Variants in CEP162 observed in about 807,000 individuals in gnomAD.
CEP162 encodes the protein centrosomal protein 162.
CEP162 carries 141 observed loss-of-function variants against 169.2 expected under a neutral mutation model. That is an observed-to-expected ratio of 0.83 (90% confidence interval 0.73 to 0.96). CEP162 has a LOEUF of 0.96. CEP162 is among the 40% of genes least tolerant of loss of function. The pLI is 0.00. For synonymous variants in CEP162, 540 were observed against 526.4 expected (o/e 1.03, Z -0.35); for missense variants, 1,600 against 1,587.2 (o/e 1.01, Z -0.14).
rs758930776 is a variant in CEP162 at position 84,126,469 on chromosome 6, T to C, written c.3914A>G (p.His1305Arg). Residue 1305 changes from histidine (H) to arginine (R), a missense_variant, in exon 26 of 27, where the codon CAT (histidine) becomes CGT (arginine). Transcript: ENST00000403245. ...LEELREAKEN[H>R]TPEMKHFVGL... ...CACGAAATGTTTCATCTCTGGTGTATGGTTTTCTTTGGCTTCTCTCAATTC... is the reference window on the plus strand; with the variant it reads ...CACGAAATGTTTCATCTCTGGTGTACGGTTTTCTTTGGCTTCTCTCAATTC... 7.0e-6 allele frequency: 11 copies of C among 1,572,396 alleles called. No individual in the cohort carries two copies. Among genetic ancestry groups the C allele is most frequent in the South Asian group, 2.3e-5 (2 of 85,458 alleles).
At chr6:84,138,899 T>C (rs1225536086) in intron 25 of CEP162, among the ~76,000 whole-genome samples, 2 of 152,214 alleles carry the variant, frequency 1.3e-5, no homozygotes, top group African/African-American at 4.8e-5. Context: ...AACTAGCCTT[T>C]CAACTACTAG....
chr6:84,225,118 C>T (rs2099555185), intron 2 of CEP162, among the ~76,000 whole-genome samples: 1 of 152,106 alleles, frequency 6.6e-6, no homozygotes, highest in Non-Finnish European at 1.5e-5. Flanking sequence ...AAATGTGACT[C>T]TCTTGAATGC....
chr6:84,135,047 G>A (rs554920552), intron 25 of CEP162, among the ~76,000 whole-genome samples: 1 of 151,766 alleles, frequency 6.6e-6, no homozygotes, highest in Non-Finnish European at 1.5e-5. Context: ...GTACACACAT[G>A]AGAACCATAT....
intron 25 of CEP162, among the ~76,000 whole-genome samples, chr6:84,131,862 G>C (rs531067752): frequency 2.1e-4 from 32 of 152,144 alleles, no homozygotes; most frequent in Non-Finnish European, 4.1e-4. Context: ...ATATTGTTAT[G>C]TGTGAATTTG....
intron 13 of CEP162, among the ~76,000 whole-genome samples, chr6:84,179,708 T>C (rs987926555): frequency 3.3e-5 from 5 of 152,132 alleles, no homozygotes; most frequent in Non-Finnish European, 7.3e-5. Flanking sequence ...GAGAATATTA[T>C]AAACACATTT....
intron 23 of CEP162, among the ~76,000 whole-genome samples, chr6:84,151,760 A>C (rs546762906): frequency 4.9e-4 from 75 of 152,190 alleles, no homozygotes; most frequent in South Asian, 3.7e-3. Context: ...GCCAAGCCAC[A>C]GAGGTTAAGG....
intron 1 of CEP162, 73 bp from the exon 2 acceptor site, chr6:84,226,525 G>A (rs771178810): frequency 1.5e-4 from 103 of 685,398 alleles, no homozygotes; most frequent in Middle Eastern, 7.4e-4. Context: ...CTTAAACTTC[G>A]GACATTTGTT....
At chr6:84,181,298 T>C (rs986060742) in intron 13 of CEP162, among the ~76,000 whole-genome samples, 1 of 152,160 alleles carries the variant, frequency 6.6e-6, no homozygotes, top group Non-Finnish European at 1.5e-5. Context: ...TGGCTAGCCA[T>C]ATGTAGAAAG....
chr6:84,216,887 T>A (rs776676982), intron 3 of CEP162, among the ~76,000 whole-genome samples: 1 of 152,186 alleles, frequency 6.6e-6, no homozygotes, highest in South Asian at 2.1e-4. Flanking sequence ...GTGGTACTTA[T>A]GTATATGTTT....
chr6:84,226,184 T>C (rs532306806), intron 2 of CEP162, among the ~76,000 whole-genome samples, 153 bp downstream of exon 2: 1 of 152,194 alleles, frequency 6.6e-6, no homozygotes, highest in African/African-American at 2.4e-5. Context: ...ATGATGGCAC[T>C]GAACTAGCAG....
intron 11 of CEP162, among the ~76,000 whole-genome samples, chr6:84,187,681 A>AT (rs1227034937): frequency 6.6e-6 from 1 of 152,214 alleles, no homozygotes; most frequent in Non-Finnish European, 1.5e-5. Context: ...CAGGAAACTG[A>AT]TAACTAGAGT....
intron 6 of CEP162, among the ~76,000 whole-genome samples, chr6:84,208,016 TTGA>T (rs1562085508): frequency 6.8e-6 from 1 of 146,174 alleles, no homozygotes. Flanking sequence ...TTCAGGTTGA[TTGA>T]TTTTTTTTTT....
intron 21 of CEP162, among the ~76,000 whole-genome samples, chr6:84,158,721 A>G (rs903748300): frequency 6.6e-6 from 1 of 152,172 alleles, no homozygotes; most frequent in African/African-American, 2.4e-5. Flanking sequence ...TAAATATAGT[A>G]AAAAGAGAAC....
intron 25 of CEP162, among the ~76,000 whole-genome samples, chr6:84,129,981 CATG>C (rs1430778908): frequency 6.6e-6 from 1 of 152,108 alleles, no homozygotes; most frequent in Non-Finnish European, 1.5e-5. Context: ...GCCCATTCAG[CATG>C]ATATTGGCTG....
intron 25 of CEP162, among the ~76,000 whole-genome samples, chr6:84,140,155 C>T (rs2099515956): frequency 6.6e-6 from 1 of 152,046 alleles, no homozygotes; most frequent in Middle Eastern, 3.2e-3. Context: ...GGGTGGGAAC[C>T]CAAGACACAA....
chr6:84,177,072 A>T (rs1179010583), intron 13 of CEP162, among the ~76,000 whole-genome samples: 2 of 152,152 alleles, frequency 1.3e-5, no homozygotes, highest in Non-Finnish European at 2.9e-5. Context: ...AGAAGTACAA[A>T]AGGTAATTTA....
chr6:84,204,409 T>C (rs1470031537), intron 6 of CEP162, among the ~76,000 whole-genome samples: 1 of 152,152 alleles, frequency 6.6e-6, no homozygotes, highest in Non-Finnish European at 1.5e-5. Context: ...AAATTAGAAC[T>C]CAGGATTGAG....
Position 84,149,706 on chromosome 6 carries a change from A to G in CEP162, c.3630-3T>C, listed in dbSNP as rs1302320231. 3.3e-6 allele frequency: 5 copies of G among 1,496,174 alleles called. No individual in the cohort carries two copies. In the East Asian group the frequency reaches 9.5e-5, roughly 29 times the overall value. The allele number at this position is 1,496,174 out of a possible 1,614,324, so 92.7% of individuals were successfully genotyped here. A position where few individuals can be genotyped will look rare whatever the true frequency, so the allele number is the denominator to read the frequency against. ...GTGCTGCAGTATCTTCCTTGACCCT[A>G]CAGAGCAAATGAAAGAAAACCACAC... On this transcript the variant is annotated splice_region_variant and splice_polypyrimidine_tract_variant and intron_variant, in intron 23 of 26. Coordinates refer to ENST00000403245, the MANE Select transcript of CEP162 (RefSeq NM_014895.4).
intron 13 of CEP162, among the ~76,000 whole-genome samples, chr6:84,183,526 C>G (rs1209018280): frequency 6.6e-6 from 1 of 152,126 alleles, no homozygotes; most frequent in Non-Finnish European, 1.5e-5. Context: ...TGCCACCTCA[C>G]ACCCTCTGGT....
Sources: gnomAD v4.1 joint callset for allele counts (sites outside exome capture counted in the v4.1 genomes callset) on GRCh38, gnomAD v4.1.1 for gene constraint, MANE v1.5 for transcripts, NCBI Gene and HGNC (gene_info 2026-07-23, HGNC 2026-07-21) for gene names.